Variants in HDAC9 observed in about 807,000 individuals in gnomAD.
HDAC9 encodes the protein histone deacetylase 9.
A neutral mutation model predicts 139.4 loss-of-function variants in HDAC9; 41 were observed. The ratio of observed to expected loss-of-function variants is 0.29; its 90% CI spans 0.23 to 0.38. The LOEUF is 0.38. Among genes scored for constraint, HDAC9 ranks in the 10% least tolerant of loss-of-function variants. HDAC9 has a pLI of 1.00. For missense variants in HDAC9, 1,147 were observed against 1,297.0 expected (o/e 0.88, Z 1.78); for synonymous variants, 517 against 476.2 (o/e 1.09, Z -1.12).
At chr7:18,212,863 T>C (rs781008393) in intron 2 of HDAC9, among the ~76,000 whole-genome samples, 1 of 152,208 alleles carries the variant, frequency 6.6e-6, no homozygotes, top group Non-Finnish European at 1.5e-5. Flanking sequence ...GCCCTGTGCC[T>C]TGGATGTGTG....
intron 17 of HDAC9, among the ~76,000 whole-genome samples, chr7:18,824,762 C>T (rs772980116): frequency 6.6e-5 from 10 of 152,168 alleles, no homozygotes; most frequent in Admixed American, 1.3e-4. Flanking sequence ...ATGTGCCTTT[C>T]GTCTGAGCAC....
intron 2 of HDAC9, 81 bp from the exon 3 acceptor site, chr7:18,585,200 T>G (rs1183945273): frequency 1.3e-6 from 2 of 1,500,188 alleles, no homozygotes; most frequent in Admixed American, 1.9e-5. Flanking sequence ...ATACTTTTTA[T>G]TTGTTTCCAA....
chr7:18,288,759 A>T (rs1430220432), upstream of HDAC9, among the ~76,000 whole-genome samples: 2 of 152,104 alleles, frequency 1.3e-5, no homozygotes, highest in Non-Finnish European at 2.9e-5. Flanking sequence ...ATTGGTCCTA[A>T]AGAGGCTTAC....
intron 1 of HDAC9, among the ~76,000 whole-genome samples, chr7:18,355,825 T>A (rs901360317): frequency 6.6e-6 from 1 of 152,164 alleles, no homozygotes; most frequent in Admixed American, 6.6e-5. Context: ...TTATGAAGCA[T>A]TTAATTCTAA....
intron 22 of HDAC9, among the ~76,000 whole-genome samples, chr7:18,927,540 C>G (rs868188279): frequency 3.4e-4 from 52 of 152,096 alleles, no homozygotes; most frequent in African/African-American, 1.2e-3. Context: ...TTCAGTAATA[C>G]TTTTTGGATA....
chr7:18,400,131 T>C (rs987972745), intron 1 of HDAC9, among the ~76,000 whole-genome samples: 4 of 152,198 alleles, frequency 2.6e-5, no homozygotes, highest in African/African-American at 7.2e-5. Flanking sequence ...CTGACAACAT[T>C]AGATGGAAGA....
At chr7:18,268,791 T>G (rs922827691) in intron 2 of HDAC9, among the ~76,000 whole-genome samples, 2 of 152,194 alleles carry the variant, frequency 1.3e-5, no homozygotes, top group African/African-American at 2.4e-5. Context: ...GATGGGCTAC[T>G]TTGACTTCTC....
At chr7:18,789,286 G>GCGCACACACA (rs146066951) in intron 16 of HDAC9, among the ~76,000 whole-genome samples, 3,916 of 148,464 alleles carry the variant, frequency 0.026, 61 homozygotes, top group South Asian at 0.063. Flanking sequence ...ACACATACAC[G>GCGCACACACA]CACACACACA....
intron 24 of HDAC9, among the ~76,000 whole-genome samples, chr7:18,969,803 A>C (rs1460310071): frequency 6.6e-6 from 1 of 152,194 alleles, no homozygotes; most frequent in African/African-American, 2.4e-5. Context: ...AATTTGGTAA[A>C]ATTTTGAAGA....
At chr7:18,759,772 T>G (rs1405818974) in intron 14 of HDAC9, among the ~76,000 whole-genome samples, 1 of 152,094 alleles carries the variant, frequency 6.6e-6, no homozygotes, top group Non-Finnish European at 1.5e-5. Flanking sequence ...CGTTAGCAGA[T>G]GAGTGTTTAA....
At chr7:18,152,415 A>G (rs1203684979) in intron 1 of HDAC9, among the ~76,000 whole-genome samples, 1 of 152,084 alleles carries the variant, frequency 6.6e-6, no homozygotes, top group Non-Finnish European at 1.5e-5. Flanking sequence ...CTCTCTATAT[A>G]TGTTTGTTAT....
At chr7:18,180,174 T>G (rs2128140203) in intron 2 of HDAC9, among the ~76,000 whole-genome samples, 1 of 151,652 alleles carries the variant, frequency 6.6e-6, no homozygotes, top group South Asian at 2.1e-4. Flanking sequence ...TGATGTGTTT[T>G]TACACTGTTT....
chr7:18,268,207 A>G (rs982295844), intron 2 of HDAC9, among the ~76,000 whole-genome samples: 1 of 152,176 alleles, frequency 6.6e-6, no homozygotes, highest in Non-Finnish European at 1.5e-5. Context: ...CATCTAACAT[A>G]TCCACTGTGC....
chr7:18,537,279 CGTT>C (rs1276140252), intron 2 of HDAC9, among the ~76,000 whole-genome samples: 1 of 152,026 alleles, frequency 6.6e-6, no homozygotes, highest in Non-Finnish European at 1.5e-5. Flanking sequence ...TATCTGTTAT[CGTT>C]GTTGTTTCTA....
chr7:18,992,660 A>G lies in HDAC9; in HGVS notation c.3171-3363A>G, dbSNP rs141601322. ...AGAAATAAGATTTAAGAGAGAATAC[A>G]AGAATTTAATTTAATACTACATCTT... is the stretch of plus-strand genomic sequence containing the variant. On this transcript the variant is annotated intron_variant, in intron 25 of 25. Coordinates refer to ENST00000686413, the MANE Select transcript of HDAC9 (RefSeq NM_178425.4). Among the ~76,000 whole-genome samples the G allele has an allele frequency of 1.2e-3, 181 of 152,336 alleles. 3 individuals are homozygous for G. Among genetic ancestry groups the G allele is most frequent in the African/African-American group, 4.2e-3 (176 of 41,590 alleles).
At chr7:18,722,521 C>A (rs2129125406) in intron 12 of HDAC9, among the ~76,000 whole-genome samples, 1 of 152,204 alleles carries the variant, frequency 6.6e-6, no homozygotes, top group East Asian at 1.9e-4. Flanking sequence ...AGTAAAACTA[C>A]TAATGGTAAA....
chr7:18,496,309 A>G lies in HDAC9; in HGVS notation c.7A>G (p.Ser3Gly). Residue 3 changes from serine to glycine, a missense_variant, in exon 2 of 26, where the codon AGT becomes GGT. Transcript: ENST00000686413. Reference sequence around the variant, plus strand: ...GCTCTTGGCTCAGCAAAGAATGCACAGTATGATCAGCTCAGGTAAGATCCT... The same window carrying G: ...GCTCTTGGCTCAGCAAAGAATGCACGGTATGATCAGCTCAGGTAAGATCCT... Reference protein sequence around the residue: MHSMISSVDVKSE... With the variant: MHGMISSVDVKSE... The G allele has an allele frequency of 1.2e-6, 2 of 1,613,168 alleles. No individual in the cohort carries two copies.
chr7:18,210,820 A>G (rs1428011454), intron 2 of HDAC9, among the ~76,000 whole-genome samples: 1 of 152,196 alleles, frequency 6.6e-6, no homozygotes, highest in South Asian at 2.1e-4. Context: ...CAAGTTCATC[A>G]TTTTAACACT....
chr7:18,788,866 G>A (rs1437300897), intron 16 of HDAC9, among the ~76,000 whole-genome samples: 6 of 151,826 alleles, frequency 4.0e-5, no homozygotes, highest in Non-Finnish European at 7.4e-5. Flanking sequence ...CGCTTTCTGT[G>A]TTCCTTGTTT....
Sources: allele counts gnomAD v4.1 joint callset (sites outside exome capture counted in the v4.1 genomes callset), GRCh38; gene constraint gnomAD v4.1.1; transcripts MANE v1.5; gene names NCBI Gene and HGNC (gene_info 2026-07-23, HGNC 2026-07-21).